The following PRKAR2B variants were observed in gnomAD, a reference collection of about 807,000 sequenced individuals.
The protein encoded by PRKAR2B is protein kinase cAMP-dependent type II regulatory subunit beta, also known as cAMP-dependent protein kinase type II-beta regulatory subunit.
A neutral mutation model predicts 49.9 loss-of-function variants in PRKAR2B; 14 were observed. The ratio of observed to expected loss-of-function variants is 0.28; its 90% confidence interval spans 0.19 to 0.44. The LOEUF is 0.44. Among genes scored for constraint, PRKAR2B ranks in the 20% least tolerant of loss-of-function variants. PRKAR2B has a pLI of 1.00. For missense variants in PRKAR2B, 393 were observed against 537.9 expected, an observed-to-expected ratio of 0.73 and a Z score of 2.67; for synonymous variants, 196 against 197.7, an observed-to-expected ratio of 0.99 and a Z score of 0.07.
At chr7:107,081,176 C>T (rs1233644681) in intron 2 of PRKAR2B, among the ~76,000 whole-genome samples, 2 of 152,172 alleles carry the variant, frequency 1.3e-5, no homozygotes, top group African/African-American at 2.4e-5. Flanking sequence ...ACAACTAACT[C>T]CCCTACCCCA....
chr7:107,118,881 C>A (rs1231501551), intron 2 of PRKAR2B, among the ~76,000 whole-genome samples: 1 of 152,096 alleles, frequency 6.6e-6, no homozygotes, highest in Non-Finnish European at 1.5e-5. Context: ...GATTTGGCTG[C>A]AGAAGGTGGG....
intron 2 of PRKAR2B, among the ~76,000 whole-genome samples, chr7:107,075,501 G>A (rs1794379924): frequency 6.6e-6 from 1 of 151,908 alleles, no homozygotes. Context: ...CCAGGTTGAA[G>A]TGATCCTTCC....
In PRKAR2B at chr7:107,121,951, G is replaced by A. The variant is rs1795396529; in HGVS notation, c.344-1G>A. Reference sequence around the variant, plus strand: ...TAAGATGTTCATTTTTGTTTTTATAGTATGTGCAGAAGCTTATAATCCTGA... The same window carrying A: ...TAAGATGTTCATTTTTGTTTTTATAATATGTGCAGAAGCTTATAATCCTGA... On this transcript the variant is annotated splice_acceptor_variant, in intron 2 of 10. Transcript: ENST00000265717. LOFTEE classifies it high-confidence loss of function. 1.3e-6 allele frequency: 2 copies of A among 1,578,012 alleles called. No individual in the cohort carries two copies. The highest frequency in any genetic ancestry group is 1.7e-6 in the Non-Finnish European group (2 of 1,155,350).
At chr7:107,087,690 G>T (rs1483128631) in intron 2 of PRKAR2B, among the ~76,000 whole-genome samples, 2 of 152,052 alleles carry the variant, frequency 1.3e-5, no homozygotes, top group African/African-American at 2.4e-5. Context: ...TGAGGCAGGC[G>T]GATTGCATGA....
intron 8 of PRKAR2B, 30 bp downstream of exon 8, chr7:107,153,281 AG>A (rs760514236): frequency 1.3e-6 from 2 of 1,528,408 alleles, no homozygotes; most frequent in East Asian, 4.6e-5. Context: ...AATTCAGTTT[AG>A]GGTTATATTC....
At position 107,157,228 on chromosome 7, in the gene PRKAR2B, C is replaced by T. The variant is rs1489977996; in HGVS notation, c.1027C>T (p.Arg343Ter). ...AGAGAATGGTGCAGTAGAAATCGCT[C>T]GATGCTCGCGGGGACAGTACTTTGG... ...VEENGAVEIA[R>*]CSRGQYFGEL... The change falls in exon 10 of 11, where the codon CGA becomes TGA. Residue 343 changes from arginine to a stop codon, truncating the protein, a stop_gained. Transcript: ENST00000265717. LOFTEE classifies it high-confidence loss of function. 1.9e-6 allele frequency: 3 copies of T among 1,614,018 alleles called. No individual in the cohort carries two copies. Among genetic ancestry groups the T allele is most frequent in the Non-Finnish European group, 2.5e-6 (3 of 1,180,014 alleles).
chr7:107,147,421 G>A (rs1240453632), intron 6 of PRKAR2B, among the ~76,000 whole-genome samples: 1 of 152,184 alleles, frequency 6.6e-6, no homozygotes, highest in Non-Finnish European at 1.5e-5. Context: ...TGGTATTCCC[G>A]CAAGACTTAA....
intron 6 of PRKAR2B, among the ~76,000 whole-genome samples, chr7:107,148,199 A>G (rs1193133360): frequency 1.3e-5 from 2 of 152,256 alleles, no homozygotes; most frequent in Non-Finnish European, 2.9e-5. Flanking sequence ...GGATAAATCT[A>G]GCATCTGCCA....
chr7:107,107,345 A>G (rs1795091844), intron 2 of PRKAR2B, among the ~76,000 whole-genome samples: 2 of 152,178 alleles, frequency 1.3e-5, no homozygotes, highest in East Asian at 1.9e-4. Flanking sequence ...TCAAAAAAAA[A>G]AAGCCATTTT....
chr7:107,060,012 CA>C (rs1793995056), intron 1 of PRKAR2B, among the ~76,000 whole-genome samples: 1 of 151,748 alleles, frequency 6.6e-6, no homozygotes, highest in Admixed American at 6.6e-5. Context: ...AAATGTAAAA[CA>C]AAGTCATTCT....
At chr7:107,103,570 G>C (rs1450883502) in intron 2 of PRKAR2B, among the ~76,000 whole-genome samples, 1 of 152,190 alleles carries the variant, frequency 6.6e-6, no homozygotes, top group Non-Finnish European at 1.5e-5. Context: ...GCCGCAAACA[G>C]ACCAGCAAAC....
At chr7:107,064,551 G>A (rs898764221) in intron 1 of PRKAR2B, among the ~76,000 whole-genome samples, 6 of 152,148 alleles carry the variant, frequency 3.9e-5, no homozygotes, top group Non-Finnish European at 8.8e-5. Flanking sequence ...CTCCCGTTAT[G>A]TCTCATAAGA....
intron 1 of PRKAR2B, among the ~76,000 whole-genome samples, chr7:107,052,268 A>C (rs1337853274): frequency 6.6e-6 from 1 of 152,028 alleles, no homozygotes; most frequent in Admixed American, 6.6e-5. Flanking sequence ...AAAATACAAA[A>C]ATTAGCTGGG....
At chr7:107,099,719 A>T (rs1241695743) in intron 2 of PRKAR2B, among the ~76,000 whole-genome samples, 1 of 151,022 alleles carries the variant, frequency 6.6e-6, no homozygotes, top group African/African-American at 2.4e-5. Flanking sequence ...GCTCACTCCA[A>T]CCTCCGCCTC....
Position 107,160,423 on chromosome 7 carries a change from A to AT in PRKAR2B, c.*847dup, listed in dbSNP as rs1228837466. The AT allele has an allele frequency of 6.6e-6, 1 of 152,138 alleles. No homozygotes were observed. The highest frequency in any genetic ancestry group is 6.5e-5 in the Admixed American group (1 of 15,272). 9.4% of individuals were successfully genotyped at this position (152,138 alleles called of 1,614,324 possible). A position where few individuals can be genotyped will look rare whatever the true frequency, so the allele number is the denominator to read the frequency against. ...AAGTGATTTAAACTTAAGATCCGAC[A>AT]TTTTTTGTATTCTTTAAGATTTTAC... On this transcript the variant is annotated 3_prime_UTR_variant, in exon 11 of 11. Transcript: ENST00000265717.
chr7:107,055,822 A>C (rs1161002078), intron 1 of PRKAR2B, among the ~76,000 whole-genome samples: 1 of 152,154 alleles, frequency 6.6e-6, no homozygotes, highest in Non-Finnish European at 1.5e-5. Context: ...TAGTTTAATT[A>C]CATCTCATTT....
chr7:107,074,461 G>A (rs577279904), intron 2 of PRKAR2B, among the ~76,000 whole-genome samples: 7 of 152,112 alleles, frequency 4.6e-5, no homozygotes, highest in East Asian at 1.9e-4. Context: ...TCTTTTTGGT[G>A]GAAAATGGAA....
Position 107,045,144 on chromosome 7 carries a change from G to A in PRKAR2B, c.237G>A (p.Glu79=), listed in dbSNP as rs1793664625. The part of the protein sequence containing the change: ...TPSKGVNFAE[E]PMQSDSEDGE... ...GCAAGGGGGTCAACTTCGCCGAGGA[G>A]CCCATGCAGTCCGACTCCGAGGACG... The change falls in exon 1 of 11, where the codon GAG becomes GAA. Residue 79 remains glutamate, a synonymous_variant. Transcript: ENST00000265717. 1 of 1,516,294 alleles carries A rather than the reference G, an allele frequency of 6.6e-7. No homozygotes were observed. Among genetic ancestry groups the A allele is most frequent in the South Asian group, 1.2e-5 (1 of 82,496 alleles). 93.9% of individuals were successfully genotyped at this position (1,516,294 alleles called of 1,614,324 possible).
At chr7:107,128,544 T>C (rs1023325922) in intron 4 of PRKAR2B, among the ~76,000 whole-genome samples, 1 of 152,126 alleles carries the variant, frequency 6.6e-6, no homozygotes, top group Admixed American at 6.5e-5. Context: ...GTGGAAGATA[T>C]TCTCTCATCT....
Sources: gnomAD v4.1 joint callset for allele counts (sites outside exome capture counted in the v4.1 genomes callset) on GRCh38, gnomAD v4.1.1 for gene constraint, MANE v1.5 for transcripts, NCBI Gene and HGNC (gene_info 2026-07-23, HGNC 2026-07-21) for gene names.